The following CAP2 variants were observed in gnomAD, a reference collection of about 807,000 sequenced individuals.
CAP2 encodes adenylyl cyclase-associated protein 2.
CAP2 carries 24 observed loss-of-function variants against 57.7 expected under a neutral mutation model. The ratio of observed to expected loss-of-function variants is 0.42; its 90% CI spans 0.30 to 0.58. CAP2 has a LOEUF of 0.58. Among genes scored for constraint, CAP2 ranks in the 20% least tolerant of loss-of-function variants. The pLI is 0.22. For synonymous variants in CAP2, 194 were observed against 207.2 expected (o/e 0.94, Z 0.55); for missense variants, 501 against 590.3 (o/e 0.85, Z 1.57).
intron 4 of CAP2, among the ~76,000 whole-genome samples, chr6:17,470,026 A>T (rs945538709): frequency 6.6e-6 from 1 of 152,246 alleles, no homozygotes; most frequent in Non-Finnish European, 1.5e-5. Context: ...AATAAAACAT[A>T]TTAATTTGTG....
chr6:17,503,527 C>G (rs1337590598), intron 4 of CAP2, among the ~76,000 whole-genome samples: 4 of 149,946 alleles, frequency 2.7e-5, no homozygotes, highest in Non-Finnish European at 1.5e-5. Context: ...TTGCTTGAAC[C>G]TGGAAGGTGG....
intron 2 of CAP2, among the ~76,000 whole-genome samples, chr6:17,424,094 A>G (rs1759516232): frequency 6.6e-6 from 1 of 152,184 alleles, no homozygotes; most frequent in Non-Finnish European, 1.5e-5. Flanking sequence ...TTAATTTTAA[A>G]AGAAACTTGA....
intron 3 of CAP2, among the ~76,000 whole-genome samples, chr6:17,428,412 C>T (rs1228285806): frequency 3.3e-5 from 5 of 152,106 alleles, no homozygotes; most frequent in Non-Finnish European, 7.3e-5. Flanking sequence ...TTGTTTCTCA[C>T]TAAGGATTGA....
At chr6:17,419,464 A>T (rs1253406955) in intron 1 of CAP2, among the ~76,000 whole-genome samples, 1 of 152,198 alleles carries the variant, frequency 6.6e-6, no homozygotes, top group African/African-American at 2.4e-5. Flanking sequence ...GCCAAAAGCA[A>T]CCATAAGTTG....
At chr6:17,417,006 G>C (rs1380057386) in intron 1 of CAP2, among the ~76,000 whole-genome samples, 1 of 151,968 alleles carries the variant, frequency 6.6e-6, no homozygotes, top group Admixed American at 6.6e-5. Context: ...ATCTTTGGTG[G>C]GAGGCTCCCT....
chr6:17,461,471 C>A (rs961377923), intron 3 of CAP2, among the ~76,000 whole-genome samples: 1 of 151,890 alleles, frequency 6.6e-6, no homozygotes, highest in African/African-American at 2.4e-5. Context: ...AGGTGATCCA[C>A]CCACTTTGGC....
At chr6:17,541,835 C>A (rs1762910009) in intron 9 of CAP2, among the ~76,000 whole-genome samples, 1 of 152,168 alleles carries the variant, frequency 6.6e-6, no homozygotes, top group African/African-American at 2.4e-5. Flanking sequence ...GAGTAGAAAC[C>A]AGGGTGTTTC....
At chr6:17,531,622 T>C in intron 7 of CAP2, 3 of 1,282,334 alleles carry the variant, frequency 2.3e-6, no homozygotes, top group Non-Finnish European at 3.3e-6. Flanking sequence ...TCTTCTTCTC[T>C]TCTACACCTT....
intron 4 of CAP2, among the ~76,000 whole-genome samples, chr6:17,498,195 G>C (rs926701851): frequency 1.2e-3 from 175 of 152,140 alleles, no homozygotes; most frequent in Non-Finnish European, 5.9e-5. Context: ...GATGAGATGG[G>C]AATCACATCT....
chr6:17,471,166 C>G (rs1423654460), intron 4 of CAP2, among the ~76,000 whole-genome samples: 1 of 152,026 alleles, frequency 6.6e-6, no homozygotes, highest in Admixed American at 6.6e-5. Flanking sequence ...GAAAAGCAAA[C>G]GAAGGAACAC....
intron 4 of CAP2, among the ~76,000 whole-genome samples, chr6:17,473,053 T>C (rs1288001185): frequency 6.6e-6 from 1 of 151,802 alleles, no homozygotes; most frequent in African/African-American, 2.4e-5. Context: ...TTTTTTTTAA[T>C]CTGATAAGGC....
intron 4 of CAP2, among the ~76,000 whole-genome samples, chr6:17,475,788 A>G (rs1184199740): frequency 1.3e-5 from 2 of 152,260 alleles, no homozygotes; most frequent in East Asian, 3.8e-4. Context: ...TCTTCAGGCA[A>G]TGAAATTGTT....
At chr6:17,442,559 A>G (rs546552728) in intron 3 of CAP2, among the ~76,000 whole-genome samples, 6 of 152,106 alleles carry the variant, frequency 3.9e-5, no homozygotes, top group Non-Finnish European at 8.8e-5. Context: ...GTGGAAATGC[A>G]TGGCATGTAT....
Position 17,556,435 on chromosome 6 carries a change from T to C in CAP2, c.1427T>C (p.Met476Thr), listed in dbSNP as rs768626820. ...SKLITEPAEI[M>T]A is the part of the protein sequence containing the mutation. ...TTAATCACTGAACCTGCAGAAATTA[T>C]GGCCTAACTTCCTGAGAGACCGAAC... The change falls in exon 13 of 13, where the codon ATG becomes ACG. Residue 476 changes from methionine to threonine, a missense_variant. Met to Thr is a moderately conservative substitution (Grantham distance 81). Coordinates refer to ENST00000229922, the MANE Select transcript of CAP2 (RefSeq NM_006366.3). 3.1e-6 allele frequency: 5 copies of C among 1,610,454 alleles called. No individual in the cohort carries two copies. The East Asian group carries it at 1.1e-4, about 36-fold the overall frequency.
intron 7 of CAP2, among the ~76,000 whole-genome samples, chr6:17,523,130 C>T (rs60820893): frequency 0.016 from 2,427 of 152,214 alleles, 69 homozygotes; most frequent in African/African-American, 0.056. Flanking sequence ...GGCCCTGATA[C>T]GTGTTGGGAG....
rs776455230 is a variant in CAP2 at position 17,551,531 on chromosome 6, A to T, written c.1277A>T (p.Asp426Val). ...GGTTGCCACATATACCTCAGTGAAG[A>T]TGCATTAGACTGTGAGATCGTGAGC... ...TEGCHIYLSE[D>V]ALDCEIVSAK... The change falls in exon 12 of 13, where the codon GAT (aspartate) becomes GTT (valine). Residue 426 changes from aspartate (D) to valine (V), a missense_variant. Physicochemically the swap from Asp to Val is radical, Grantham distance 152. Transcript: ENST00000229922. 11 of 1,610,902 alleles carry T rather than the reference A, an allele frequency of 6.8e-6. No individual in the cohort carries two copies. Among genetic ancestry groups the T allele is most frequent in the Non-Finnish European group, 9.3e-6 (11 of 1,177,230 alleles).
At chr6:17,549,613 C>T (rs1763125167) in intron 11 of CAP2, among the ~76,000 whole-genome samples, 1 of 152,094 alleles carries the variant, frequency 6.6e-6, no homozygotes, top group Non-Finnish European at 1.5e-5. Flanking sequence ...GTATAGATGC[C>T]AGTTAATACC....
chr6:17,471,901 G>A (rs1457481226), intron 4 of CAP2, among the ~76,000 whole-genome samples: 2 of 152,164 alleles, frequency 1.3e-5, no homozygotes, highest in African/African-American at 2.4e-5. Context: ...TTTAGCCGTG[G>A]TATTTCCCAG....
intron 7 of CAP2, among the ~76,000 whole-genome samples, chr6:17,536,904 T>C (rs1002440854): frequency 6.6e-6 from 1 of 152,194 alleles, no homozygotes; most frequent in Non-Finnish European, 1.5e-5. Flanking sequence ...TCAAATTTTA[T>C]CCCAGTAACA....
Sources: allele counts gnomAD v4.1 joint callset (sites outside exome capture counted in the v4.1 genomes callset), GRCh38; gene constraint gnomAD v4.1.1; transcripts MANE v1.5; gene names NCBI Gene and HGNC (gene_info 2026-07-23, HGNC 2026-07-21).